The following ZRSR2 variants were observed in gnomAD, a reference collection of about 807,000 sequenced individuals.
The protein encoded by ZRSR2 is U2 small nuclear ribonucleoprotein auxiliary factor 35 kDa subunit-related protein 2.
A neutral mutation model predicts 39.4 loss-of-function variants in ZRSR2; 3 were observed. The observed-to-expected ratio is 0.08, with a 90% CI of 0.03 to 0.20. The LOEUF is 0.20. Among genes scored for constraint, ZRSR2 ranks in the 10% least tolerant of loss-of-function variants. The pLI is 1.00. For synonymous variants in ZRSR2, 137 were observed against 136.0 expected (o/e 1.01, Z -0.05); for missense variants, 256 against 391.5 (o/e 0.65, Z 2.92).
At chrX:15,817,471 T>C (rs759068365) in intron 8 of ZRSR2, among the ~76,000 whole-genome samples, 1 of 112,155 alleles carries the variant, frequency 8.9e-6, no homozygotes, top group Admixed American at 9.5e-5. Flanking sequence ...TACATACTAT[T>C]ATATAAAAAC....
At chrX:15,809,360 A>G in intron 7 of ZRSR2, 42 bp downstream of exon 7, 1 of 994,723 alleles carries the variant, frequency 1.0e-6, no homozygotes, top group Non-Finnish European at 1.4e-6. Context: ...AAGTGATTCA[A>G]AATGCTGACG....
intron 7 of ZRSR2, among the ~76,000 whole-genome samples, chrX:15,811,630 G>A (rs183206694): frequency 8.9e-6 from 1 of 112,311 alleles, no homozygotes; most frequent in Non-Finnish European, 1.9e-5. Flanking sequence ...GTTTCGCCAT[G>A]TTGGCCAGGA....
At chrX:15,822,699 A>G (rs1933139140) in intron 10 of ZRSR2, 32 bp from the exon 11 acceptor site, 6 of 1,210,921 alleles carry the variant, frequency 5.0e-6, no homozygotes, top group Admixed American at 4.4e-5. Flanking sequence ...ATATGCAGTG[A>G]TAAGTGCTGT....
chrX:15,800,962 C>A (rs1932652643), intron 3 of ZRSR2, among the ~76,000 whole-genome samples: 1 of 112,074 alleles, frequency 8.9e-6, no homozygotes, highest in African/African-American at 3.2e-5. Context: ...GGAATCAAAT[C>A]ATAAGTCCAT....
chrX:15,790,612 G>C (rs1932238873), intron 1 of ZRSR2, 76 bp downstream of exon 1: 7 of 1,120,584 alleles, frequency 6.2e-6, no homozygotes, highest in South Asian at 6.0e-5. Context: ...AGGAAGAAAA[G>C]AGAAGCTGGG....
At chrX:15,822,025 C>G (rs1017371965) in intron 10 of ZRSR2, among the ~76,000 whole-genome samples, 1 of 109,544 alleles carries the variant, frequency 9.1e-6, no homozygotes, top group African/African-American at 3.3e-5. Context: ...GAGTCTCACT[C>G]TGTCGCCCAG....
At chrX:15,798,661 A>T (rs1246733884) in intron 2 of ZRSR2, among the ~76,000 whole-genome samples, 1 of 111,576 alleles carries the variant, frequency 9.0e-6, no homozygotes, top group Non-Finnish European at 1.9e-5. Context: ...TATACAGGCC[A>T]TATTTAAACT....
At chrX:15,791,335 T>C (rs1307044414) in intron 2 of ZRSR2, among the ~76,000 whole-genome samples, 2 of 112,388 alleles carry the variant, frequency 1.8e-5, no homozygotes, top group African/African-American at 6.5e-5. Context: ...GTGAATGTTT[T>C]TCTTCGTAAA....
intron 7 of ZRSR2, among the ~76,000 whole-genome samples, chrX:15,811,449 G>A (rs1399966822): frequency 2.8e-5 from 3 of 106,566 alleles, no homozygotes; most frequent in Admixed American, 1.0e-4. Context: ...TTTTTGAGAC[G>A]GAGTCTCGCC....
intron 7 of ZRSR2, among the ~76,000 whole-genome samples, chrX:15,809,867 G>A (rs1336403780): frequency 8.9e-6 from 1 of 111,759 alleles, no homozygotes; most frequent in Non-Finnish European, 1.9e-5. Flanking sequence ...GTGAAAGACA[G>A]GATCCAAATG....
intron 7 of ZRSR2, among the ~76,000 whole-genome samples, chrX:15,812,000 G>C (rs1295787703): frequency 9.0e-6 from 1 of 111,335 alleles, no homozygotes; most frequent in Non-Finnish European, 1.9e-5. Flanking sequence ...CACGATCTCC[G>C]CTCACTGCAA....
intron 7 of ZRSR2, among the ~76,000 whole-genome samples, chrX:15,810,255 C>T (rs1226612112): frequency 9.1e-6 from 1 of 110,251 alleles, no homozygotes; most frequent in Non-Finnish European, 1.9e-5. Context: ...AGCAAGTCTT[C>T]GAACACCTAT....
intron 10 of ZRSR2, 116 bp downstream of exon 10, chrX:15,820,432 A>G (rs1933079393): frequency 1.6e-6 from 1 of 635,700 alleles, no homozygotes; most frequent in African/African-American, 2.2e-5. Context: ...TGCCTCACAC[A>G]GTAGATGAGC....
chrX:15,793,738 A>G (rs1932356648), intron 2 of ZRSR2, among the ~76,000 whole-genome samples: 1 of 112,090 alleles, frequency 8.9e-6, no homozygotes, highest in Non-Finnish European at 1.9e-5. Context: ...GGGTTTCACC[A>G]TGTTGGCCAG....
intron 3 of ZRSR2, among the ~76,000 whole-genome samples, chrX:15,803,242 A>C (rs1932728668): frequency 9.1e-6 from 1 of 110,465 alleles, no homozygotes; most frequent in African/African-American, 3.3e-5. Context: ...CAGCCTGGGC[A>C]ACAGAGTAAT....
At chrX:15,803,867 C>G in intron 4 of ZRSR2, 71 bp downstream of exon 4, 1 of 1,148,327 alleles carries the variant, frequency 8.7e-7, no homozygotes, top group Non-Finnish European at 1.2e-6. Context: ...GAAGAGTTGC[C>G]TATCTTGGGA....
In ZRSR2 at chrX:15,823,112, G is replaced by A. The variant is rs199648317; in HGVS notation, c.1319G>A (p.Arg440Gln). The change falls in exon 11 of 11, where the codon CGG becomes CAG. Residue 440 changes from arginine (R) to glutamine (Q), a missense_variant. Physicochemically the swap from Arg to Gln is conservative, Grantham distance 43. This residue lies in a region of ZRSR2 where 111 missense variants were observed against 116.7 expected (regional missense o/e 0.95). Coordinates refer to ENST00000307771, the MANE Select transcript of ZRSR2 (RefSeq NM_005089.4). ...SRDRSRGRGS[R>Q]SRSRSRSRRS... ...GACCGCAGCCGGGGCCGGGGCAGCC[G>A]GAGCCGGAGCCGGAGCCGGAGCCGC... 153 of 1,197,975 alleles carry A rather than the reference G, an allele frequency of 1.3e-4. 3 individuals are homozygous for A. In the East Asian group the frequency reaches 1.6e-3, roughly 13 times the overall value.
intron 9 of ZRSR2, among the ~76,000 whole-genome samples, chrX:15,819,589 A>C (rs1933054530): frequency 9.0e-6 from 1 of 111,199 alleles, no homozygotes; most frequent in Admixed American, 9.6e-5. Context: ...TCTCAAAAAG[A>C]AAAAAATAAT....
In ZRSR2 at chrX:15,815,612, C is replaced by A; in HGVS notation, c.558-65C>A. The A allele has an allele frequency of 3.0e-6, 3 of 986,467 alleles. No homozygotes were observed. The East Asian group carries it at 9.3e-5, about 31-fold the overall frequency. 81.3% of individuals were successfully genotyped at this position (986,467 alleles called of 1,213,427 possible). A position where few individuals can be genotyped will look rare whatever the true frequency, so the allele number is the denominator to read the frequency against. ...GTGAGCCACCATGCCTGGTCTAAAG[C>A]AGTTGTTTTGTGAGTAATTTTCAAC... On this transcript the variant is annotated intron_variant, in intron 7 of 10. Coordinates refer to ENST00000307771, the MANE Select transcript of ZRSR2 (RefSeq NM_005089.4).
Sources: allele counts gnomAD v4.1 joint callset (sites outside exome capture counted in the v4.1 genomes callset), GRCh38; gene constraint gnomAD v4.1.1; regional missense constraint gnomAD v4.1.1; transcripts MANE v1.5; gene names NCBI Gene and HGNC (gene_info 2026-07-23, HGNC 2026-07-21).